RGS5: variants seen among roughly 807,000 people sequenced by gnomAD.
RGS5 encodes the protein regulator of G protein signaling 5.
Under a neutral mutation model 18.9 loss-of-function variants are expected in RGS5, and 20 were observed. That is an observed-to-expected ratio of 1.06 (90% CI 0.74 to 1.54). The LOEUF is 1.54. RGS5 is among the 40% of genes most tolerant of loss of function. The pLI, the probability that RGS5 is intolerant of heterozygous loss-of-function variation, is 0.00. For missense variants in RGS5, 201 were observed against 211.8 expected (o/e 0.95, Z 0.32); for synonymous variants, 57 against 76.2 (o/e 0.75, Z 1.31).
rs906795577 is a variant in RGS5, at chr1:163,181,341, A to G, written c.45-12973T>C. On this transcript the variant is annotated intron_variant, in intron 1 of 4. Transcript: ENST00000313961. ...CTCCCTCCACCTCTATGCCAGTTTAATACTCCAGGATCAGAACAAGTCTCA... is the reference window on the plus strand; with the variant it reads ...CTCCCTCCACCTCTATGCCAGTTTAGTACTCCAGGATCAGAACAAGTCTCA... Among the ~76,000 whole-genome samples, 11 of 152,234 alleles carry G rather than the reference A, an allele frequency of 7.2e-5. No individual in the cohort carries two copies. In the South Asian group the frequency reaches 1.4e-3, roughly 20 times the overall value.
intron 1 of RGS5, among the ~76,000 whole-genome samples, chr1:163,307,293 T>C (rs1238831035): frequency 6.6e-6 from 1 of 152,228 alleles, no homozygotes; most frequent in Non-Finnish European, 1.5e-5. Context: ...TTTTCTTCTC[T>C]GAAATGAAAT....
At chr1:163,216,554 A>G (rs1197440878) in intron 1 of RGS5, among the ~76,000 whole-genome samples, 4 of 152,200 alleles carry the variant, frequency 2.6e-5, no homozygotes, top group African/African-American at 7.2e-5. Context: ...GACTTCAGCT[A>G]TAGATAGCAC....
chr1:163,253,170 T>C (rs1330798668), intron 2 of RGS5, among the ~76,000 whole-genome samples: 3 of 152,194 alleles, frequency 2.0e-5, no homozygotes, highest in Admixed American at 6.5e-5. Context: ...AGAATCAAAG[T>C]GTTGAAGCAG....
At chr1:163,290,755 T>C (rs1299378970) in intron 2 of RGS5, among the ~76,000 whole-genome samples, 2 of 152,126 alleles carry the variant, frequency 1.3e-5, no homozygotes, top group Admixed American at 1.3e-4. Context: ...AACGTGCTTC[T>C]CTTGATTCCT....
rs570661690 is a variant in RGS5, at chr1:163,313,108, C to CAG, written c.-377-6781_-377-6780dup. On this transcript the variant is annotated intron_variant, in intron 1 of 5. Transcript: ENST00000618415. ...GTGGTAAGGGGATAAACAGTGACTT[C>CAG]AGATAAATAGTTCAATATCAATTGG... Among the ~76,000 whole-genome samples the CAG allele has an allele frequency of 2.6e-4, 39 of 152,274 alleles. 1 individual carries two copies. The South Asian group carries it at 8.1e-3, about 32-fold the overall frequency.
chr1:163,197,573 G>A (rs1659614588), intron 1 of RGS5, among the ~76,000 whole-genome samples: 1 of 152,090 alleles, frequency 6.6e-6, no homozygotes, highest in Non-Finnish European at 1.5e-5. Context: ...TATGCCTAAG[G>A]CAAGTACACA....
intron 1 of RGS5, among the ~76,000 whole-genome samples, chr1:163,182,160 G>T (rs779294265): frequency 6.6e-6 from 1 of 152,088 alleles, no homozygotes; most frequent in Non-Finnish European, 1.5e-5. Context: ...TGGATAAATG[G>T]ATAGGATAGG....
In RGS5 at chr1:163,192,696, A is replaced by G. The variant is rs145867344; in HGVS notation, c.44+10096T>C. ...CCTGCACATGCATGTGTGTGTTCAA[A>G]TGACATCTTGTTTTGCACTTCGGTG... On this transcript the variant is annotated intron_variant, in intron 1 of 4. Coordinates refer to ENST00000313961, the MANE Select transcript of RGS5 (RefSeq NM_003617.4). 1.3e-3 allele frequency among the ~76,000 whole-genome samples: 202 copies of G among 152,290 alleles called. 1 individual carries two copies. The highest frequency in any genetic ancestry group is 4.5e-3 in the African/African-American group (185 of 41,564).
intron 2 of RGS5, 86 bp downstream of exon 2, chr1:163,168,172 A>G: frequency 1.1e-6 from 1 of 935,034 alleles, no homozygotes. Context: ...TGAAGGGGGT[A>G]GTTCTACAGA....
chr1:163,319,318 T>C (rs990519754), intron 1 of RGS5: 49 of 152,192 alleles, frequency 3.2e-4, no homozygotes, highest in African/African-American at 1.2e-3. Flanking sequence ...AAATTAAAAT[T>C]AGAAAGGCAA....
intron 2 of RGS5, among the ~76,000 whole-genome samples, chr1:163,301,233 C>A (rs1377357929): frequency 6.6e-6 from 1 of 152,022 alleles, no homozygotes; most frequent in Non-Finnish European, 1.5e-5. Context: ...AATTTATCAT[C>A]AATCATTGTG....
At chr1:163,168,899 C>A (rs568826725) in intron 1 of RGS5, among the ~76,000 whole-genome samples, 15 of 151,946 alleles carry the variant, frequency 9.9e-5, no homozygotes, top group Admixed American at 2.6e-4. Flanking sequence ...TTTAGGGTAC[C>A]TGTGCACAAC....
At chr1:163,187,358 A>C (rs1053863689) in intron 1 of RGS5, among the ~76,000 whole-genome samples, 3 of 152,122 alleles carry the variant, frequency 2.0e-5, no homozygotes, top group Non-Finnish European at 2.9e-5. Flanking sequence ...TGGTGTTATG[A>C]TATACATTGG....
intron 1 of RGS5, among the ~76,000 whole-genome samples, chr1:163,191,181 C>T (rs1659336512): frequency 6.6e-6 from 1 of 152,076 alleles, no homozygotes; most frequent in South Asian, 2.1e-4. Context: ...CTGCCGATGG[C>T]TATGTGGCAG....
At chr1:163,246,091 C>T (rs576862482) in intron 2 of RGS5, among the ~76,000 whole-genome samples, 1 of 152,034 alleles carries the variant, frequency 6.6e-6, no homozygotes, top group East Asian at 1.9e-4. Context: ...GTGGCGGGCA[C>T]CTGCAGTCCC....
chr1:163,298,578 A>C (rs1476898418), intron 2 of RGS5, among the ~76,000 whole-genome samples: 1 of 152,170 alleles, frequency 6.6e-6, no homozygotes, highest in Non-Finnish European at 1.5e-5. Flanking sequence ...TGTTATACAG[A>C]TAACATCTCT....
At chr1:163,190,596 T>C (rs1659302740) in intron 1 of RGS5, among the ~76,000 whole-genome samples, 1 of 152,102 alleles carries the variant, frequency 6.6e-6, no homozygotes, top group Non-Finnish European at 1.5e-5. Flanking sequence ...ATTTAGACAA[T>C]ACCCTATAAA....
At chr1:163,224,649 C>T (rs1647295574) in intron 2 of RGS5, among the ~76,000 whole-genome samples, 1 of 152,144 alleles carries the variant, frequency 6.6e-6, no homozygotes, top group Admixed American at 6.5e-5. Flanking sequence ...TACTAATTTA[C>T]ATTTCACCAA....
rs1223840539 is a variant in RGS5, at chr1:163,143,721, T to G, written c.*3621A>C. 6.6e-6 allele frequency: 1 copy of G among 152,190 alleles called. No homozygotes were observed. Among genetic ancestry groups the G allele is most frequent in the East Asian group, 1.9e-4 (1 of 5,196 alleles). 9.4% of individuals were successfully genotyped at this position (152,190 alleles called of 1,614,324 possible). A position where few individuals can be genotyped will look rare whatever the true frequency, so the allele number is the denominator to read the frequency against. ...CCAGGAAAAAGGGAAAATGGCCTGCTAGGGAGAACAGTTTCAATAATGAAA... is the reference window on the plus strand; with the variant it reads ...CCAGGAAAAAGGGAAAATGGCCTGCGAGGGAGAACAGTTTCAATAATGAAA... On this transcript the variant is annotated 3_prime_UTR_variant, in exon 5 of 5. Transcript: ENST00000313961.
Sources: allele counts gnomAD v4.1 joint callset (sites outside exome capture counted in the v4.1 genomes callset), GRCh38; gene constraint gnomAD v4.1.1; transcripts MANE v1.5; gene names NCBI Gene and HGNC (gene_info 2026-07-23, HGNC 2026-07-21).